The following AGBL1 variants were observed in gnomAD, a reference collection of about 807,000 sequenced individuals.
AGBL1 encodes cytosolic carboxypeptidase 4.
AGBL1 carries 130 observed loss-of-function variants against 118.9 expected under a neutral mutation model. The ratio of observed to expected loss-of-function variants is 1.09; its 90% CI spans 0.95 to 1.26. The LOEUF is 1.26. Ranked by LOEUF, AGBL1 falls within the 50% of genes most tolerant of loss-of-function variation. AGBL1 has a pLI of 0.00. For synonymous variants in AGBL1, 555 were observed against 478.9 expected, an observed-to-expected ratio of 1.16 and a Z score of -2.08; for missense variants, 1,584 against 1,298.1, an observed-to-expected ratio of 1.22 and a Z score of -3.38.
chr15:86,960,982 T>C (rs1289911751), intron 23 of AGBL1, among the ~76,000 whole-genome samples: 2 of 152,082 alleles, frequency 1.3e-5, no homozygotes, highest in East Asian at 3.9e-4. Context: ...CTTTCAGTTA[T>C]AAGACGACTA....
intron 3 of AGBL1, among the ~76,000 whole-genome samples, chr15:86,145,399 T>A (rs749962342): frequency 7.2e-5 from 11 of 152,166 alleles, no homozygotes; most frequent in Admixed American, 4.6e-4. Context: ...TGGAGCACAG[T>A]TTAAAAGCAT....
intron 21 of AGBL1, among the ~76,000 whole-genome samples, chr15:86,573,917 C>T (rs2084045211): frequency 6.6e-6 from 1 of 152,090 alleles, no homozygotes; most frequent in South Asian, 2.1e-4. Context: ...TTCCTGAAAA[C>T]AACAAAAATC....
At chr15:86,533,308 A>T (rs541970681) in intron 19 of AGBL1, among the ~76,000 whole-genome samples, 1 of 132,930 alleles carries the variant, frequency 7.5e-6, no homozygotes, top group Non-Finnish European at 1.6e-5. Flanking sequence ...GAAGGACATG[A>T]GCAGACACTT....
At chr15:86,419,991 C>T (rs1055378454) in intron 18 of AGBL1, among the ~76,000 whole-genome samples, 1 of 152,212 alleles carries the variant, frequency 6.6e-6, no homozygotes, top group Non-Finnish European at 1.5e-5. Context: ...AAACTCCCAT[C>T]TCCCTGGGAC....
At chr15:86,379,857 G>C (rs143763303) in intron 17 of AGBL1, among the ~76,000 whole-genome samples, 1 of 152,188 alleles carries the variant, frequency 6.6e-6, no homozygotes. Context: ...TCTTAACCAT[G>C]TAGCTGTGTC....
chr15:86,693,870 G>A (rs2086213226), intron 22 of AGBL1, among the ~76,000 whole-genome samples: 2 of 151,936 alleles, frequency 1.3e-5, no homozygotes, highest in African/African-American at 4.8e-5. Context: ...CCCACTTTAT[G>A]TTTTTATTTG....
chr15:86,609,074 G>A (rs1472637115), intron 21 of AGBL1, among the ~76,000 whole-genome samples: 1 of 152,086 alleles, frequency 6.6e-6, no homozygotes, highest in African/African-American at 2.4e-5. Flanking sequence ...TAAACTGTGC[G>A]GGTTGGCTCT....
At chr15:86,287,364 C>A (rs1471254248) in intron 16 of AGBL1, among the ~76,000 whole-genome samples, 1 of 152,210 alleles carries the variant, frequency 6.6e-6, no homozygotes, top group East Asian at 1.9e-4. Context: ...TTGGTGGAAT[C>A]CTATTGTCTA....
At chr15:86,187,923 T>C (rs1011527942) in intron 5 of AGBL1, among the ~76,000 whole-genome samples, 2 of 152,234 alleles carry the variant, frequency 1.3e-5, no homozygotes, top group Admixed American at 6.5e-5. Flanking sequence ...GGTTGGAAAT[T>C]AAGCAAAGCA....
intron 18 of AGBL1, among the ~76,000 whole-genome samples, chr15:86,522,281 C>G (rs1319249369): frequency 6.6e-6 from 1 of 152,104 alleles, no homozygotes; most frequent in Non-Finnish European, 1.5e-5. Context: ...GGGTTAGAAG[C>G]AAATAAATCT....
chr15:86,747,432 A>T (rs1485902825), intron 22 of AGBL1, among the ~76,000 whole-genome samples: 1 of 152,158 alleles, frequency 6.6e-6, no homozygotes, highest in Non-Finnish European at 1.5e-5. Flanking sequence ...TCTAAGTATG[A>T]AAGTCTAAAA....
At chr15:86,284,478 C>T (rs1253830171) in intron 16 of AGBL1, among the ~76,000 whole-genome samples, 3 of 152,154 alleles carry the variant, frequency 2.0e-5, no homozygotes, top group African/African-American at 7.2e-5. Context: ...TTTGAGGAAG[C>T]TCATCAGAAC....
intron 21 of AGBL1, among the ~76,000 whole-genome samples, chr15:86,619,150 T>C (rs1181196602): frequency 6.6e-6 from 1 of 152,114 alleles, no homozygotes; most frequent in Non-Finnish European, 1.5e-5. Context: ...CTGCTATGAA[T>C]GAGGCACCAT....
At chr15:86,257,635 C>T (rs140529805) in intron 8 of AGBL1, among the ~76,000 whole-genome samples, 2 of 152,322 alleles carry the variant, frequency 1.3e-5, no homozygotes, top group Admixed American at 6.5e-5. Flanking sequence ...TGTGTGATCT[C>T]TAAACTTTGG....
intron 18 of AGBL1, among the ~76,000 whole-genome samples, chr15:86,486,699 C>T (rs960268264): frequency 5.9e-5 from 9 of 152,062 alleles, no homozygotes; most frequent in Non-Finnish European, 1.2e-4. Context: ...AACCTCATTG[C>T]TATAAGTGAG....
intron 5 of AGBL1, among the ~76,000 whole-genome samples, chr15:86,176,709 T>C (rs948290585): frequency 6.6e-6 from 1 of 152,130 alleles, no homozygotes; most frequent in Non-Finnish European, 1.5e-5. Context: ...AAAATGGCTG[T>C]GTGCTGCAGC....
intron 1 of AGBL1, among the ~76,000 whole-genome samples, chr15:86,120,177 C>T (rs570037790): frequency 6.6e-6 from 1 of 152,138 alleles, no homozygotes; most frequent in African/African-American, 2.4e-5. Context: ...TTTGCTTTCT[C>T]CTGCATGTAC....
chr15:86,716,508 C>T (rs1476085428), intron 22 of AGBL1, among the ~76,000 whole-genome samples: 2 of 152,134 alleles, frequency 1.3e-5, no homozygotes, highest in Non-Finnish European at 2.9e-5. Flanking sequence ...AAAATTTCTA[C>T]AGCTTGGAAG....
chr15:86,321,494 T>G (rs1000583374), intron 17 of AGBL1, among the ~76,000 whole-genome samples: 2 of 151,982 alleles, frequency 1.3e-5, no homozygotes, highest in Non-Finnish European at 2.9e-5. Flanking sequence ...AGAGGCCGGG[T>G]GCAGTGGCTT....
Sources: gnomAD v4.1 joint callset for allele counts (sites outside exome capture counted in the v4.1 genomes callset) on GRCh38, gnomAD v4.1.1 for gene constraint, MANE v1.5 for transcripts, NCBI Gene and HGNC (gene_info 2026-07-23, HGNC 2026-07-21) for gene names.